TMEM132C: variants seen among roughly 807,000 people sequenced by gnomAD.
TMEM132C encodes transmembrane protein 132C, also known as protein phosphatase 1, regulatory subunit 152.
Under a neutral mutation model 61.4 loss-of-function variants are expected in TMEM132C, and 29 were observed. That is an observed-to-expected ratio of 0.47 (90% CI 0.35 to 0.64). The LOEUF (loss-of-function observed/expected upper bound fraction) is 0.64. TMEM132C is among the 30% of genes least tolerant of loss of function. The pLI is 0.00. For missense variants in TMEM132C, 1,408 were observed against 1,476.9 expected (o/e 0.95, Z 0.76); for synonymous variants, 656 against 633.1 (o/e 1.04, Z -0.54).
intron 2 of TMEM132C, among the ~76,000 whole-genome samples, chr12:128,440,995 C>T (rs757519976): frequency 9.9e-5 from 15 of 152,228 alleles, no homozygotes; most frequent in South Asian, 6.2e-4. Flanking sequence ...GAGCTCAGAT[C>T]GCGCCACTGC....
intron 1 of TMEM132C, among the ~76,000 whole-genome samples, chr12:128,319,788 T>C (rs1872271709): frequency 6.7e-6 from 1 of 150,192 alleles, no homozygotes; most frequent in Admixed American, 6.7e-5. Context: ...ATTGCGCCAC[T>C]GCACTCCAGC....
At chr12:128,350,495 C>G (rs1286101074) in intron 1 of TMEM132C, among the ~76,000 whole-genome samples, 1 of 152,120 alleles carries the variant, frequency 6.6e-6, no homozygotes, top group Admixed American at 6.5e-5. Context: ...TGGGGAGGAG[C>G]TGTCCAGGTG....
chr12:128,358,783 T>C (rs1300339714), intron 1 of TMEM132C, among the ~76,000 whole-genome samples: 1 of 152,022 alleles, frequency 6.6e-6, no homozygotes, highest in Non-Finnish European at 1.5e-5. Flanking sequence ...AAGAAAAAAA[T>C]GCACAAAATT....
chr12:128,426,476 A>C (rs1869187036), intron 2 of TMEM132C, among the ~76,000 whole-genome samples: 1 of 152,188 alleles, frequency 6.6e-6, no homozygotes, highest in African/African-American at 2.4e-5. Context: ...CCAAGTTTGC[A>C]TTGACTGCAG....
At chr12:128,521,478 C>G (rs114754891) in intron 2 of TMEM132C, among the ~76,000 whole-genome samples, 4,740 of 148,324 alleles carry the variant, frequency 0.032, 255 homozygotes, top group African/African-American at 0.11. Flanking sequence ...CAACAGGCCC[C>G]GGTGGGAACA....
chr12:128,296,617 G>C (rs912693864), intron 1 of TMEM132C, among the ~76,000 whole-genome samples: 1 of 152,198 alleles, frequency 6.6e-6, no homozygotes, highest in African/African-American at 2.4e-5. Flanking sequence ...TCTGTAGCCA[G>C]TCACTAGAAA....
At chr12:128,519,627 C>A (rs74515339) in intron 2 of TMEM132C, among the ~76,000 whole-genome samples, 3,216 of 152,298 alleles carry the variant, frequency 0.021, 119 homozygotes, top group African/African-American at 0.071. Context: ...AACTGAAATC[C>A]ATGTTTATTT....
intron 4 of TMEM132C, among the ~76,000 whole-genome samples, chr12:128,642,618 A>G (rs1221780710): frequency 6.6e-6 from 1 of 152,098 alleles, no homozygotes; most frequent in Middle Eastern, 3.2e-3. Context: ...TGTGATGCCA[A>G]CCTTCCTTTG....
chr12:128,664,185 C>T (rs560085560), intron 4 of TMEM132C, among the ~76,000 whole-genome samples: 7 of 143,086 alleles, frequency 4.9e-5, no homozygotes, highest in Admixed American at 6.7e-5. Context: ...CACGCATGCA[C>T]GCAGGCACTC....
intron 2 of TMEM132C, among the ~76,000 whole-genome samples, chr12:128,448,045 C>CA (rs1714698536): frequency 6.6e-6 from 1 of 152,118 alleles, no homozygotes; most frequent in South Asian, 2.1e-4. Flanking sequence ...AAAACGATCC[C>CA]ACCGCATTCT....
At chr12:128,594,890 C>A (rs946416370) in intron 3 of TMEM132C, among the ~76,000 whole-genome samples, 1 of 152,204 alleles carries the variant, frequency 6.6e-6, no homozygotes, top group Non-Finnish European at 1.5e-5. Flanking sequence ...TTGGAGGTCC[C>A]CTCGGATTGC....
At chr12:128,356,302 G>A (rs957435385) in intron 1 of TMEM132C, among the ~76,000 whole-genome samples, 8 of 152,168 alleles carry the variant, frequency 5.3e-5, no homozygotes, top group African/African-American at 7.2e-5. Context: ...CCCAGACCCC[G>A]TGCCTCAGCC....
intron 1 of TMEM132C, among the ~76,000 whole-genome samples, chr12:128,363,706 G>C (rs769785456): frequency 2.0e-5 from 3 of 152,054 alleles, no homozygotes; most frequent in Admixed American, 6.5e-5. Flanking sequence ...TTAGCTGGGC[G>C]TGGTGGCACA....
intron 1 of TMEM132C, among the ~76,000 whole-genome samples, chr12:128,289,434 C>T (rs370189611): frequency 6.6e-6 from 1 of 152,174 alleles, no homozygotes; most frequent in East Asian, 1.9e-4. Flanking sequence ...CATCTATTTG[C>T]GTGACTAACC....
intron 1 of TMEM132C, among the ~76,000 whole-genome samples, chr12:128,336,481 T>C (rs1237176281): frequency 6.6e-6 from 1 of 152,228 alleles, no homozygotes; most frequent in Admixed American, 6.5e-5. Context: ...TAAGCCAAGT[T>C]ACTATTTCTA....
At chr12:128,382,862 G>GT (rs1874447254) in intron 1 of TMEM132C, among the ~76,000 whole-genome samples, 1 of 152,152 alleles carries the variant, frequency 6.6e-6, no homozygotes, top group African/African-American at 2.4e-5. Context: ...GTGTATCTGA[G>GT]TATGTGTGTG....
chr12:128,532,443 A>G (rs1873346860), intron 2 of TMEM132C, among the ~76,000 whole-genome samples: 1 of 151,850 alleles, frequency 6.6e-6, no homozygotes, highest in Admixed American at 6.6e-5. Context: ...GTTCAAGACC[A>G]GCCTGGCCAA....
chr12:128,314,437 A>C (rs998399058), intron 1 of TMEM132C, among the ~76,000 whole-genome samples: 11 of 152,230 alleles, frequency 7.2e-5, no homozygotes, highest in Non-Finnish European at 7.3e-5. Context: ...ATTTTTGATT[A>C]AGAGCCTACC....
chr12:128,292,033 G>A (rs11059626), intron 1 of TMEM132C, among the ~76,000 whole-genome samples: 20,136 of 152,020 alleles, frequency 0.13, 1,608 homozygotes, highest in East Asian at 0.35. Flanking sequence ...CTAGGGCTGC[G>A]GGGTGCCCTC....
Sources: gnomAD v4.1 joint callset for allele counts (sites outside exome capture counted in the v4.1 genomes callset) on GRCh38, gnomAD v4.1.1 for gene constraint, MANE v1.5 for transcripts, NCBI Gene and HGNC (gene_info 2026-07-23, HGNC 2026-07-21) for gene names.